Variants in RANBP3 observed in about 807,000 individuals in gnomAD.
RANBP3 encodes RAN binding protein 3, also known as ran-binding protein 3.
Under a neutral mutation model 77.3 loss-of-function variants are expected in RANBP3, and 14 were observed. The ratio of observed to expected loss-of-function variants is 0.18; its 90% CI spans 0.12 to 0.28. The LOEUF (loss-of-function observed/expected upper bound fraction) is 0.28. Among genes scored for constraint, RANBP3 ranks in the 10% least tolerant of loss-of-function variants. RANBP3 has a pLI of 1.00. For missense variants in RANBP3, 586 were observed against 752.3 expected (o/e 0.78, Z 2.59); for synonymous variants, 315 against 312.4 (o/e 1.01, Z -0.09).
intron 3 of RANBP3, among the ~76,000 whole-genome samples, chr19:5,944,890 G>A (rs1419033724): frequency 6.6e-6 from 1 of 152,062 alleles, no homozygotes; most frequent in Non-Finnish European, 1.5e-5. Context: ...ACCCTTACAC[G>A]GTGTCCTCCC....
chr19:5,942,934 A>G (rs1340748403), intron 3 of RANBP3, among the ~76,000 whole-genome samples: 1 of 152,028 alleles, frequency 6.6e-6, no homozygotes, highest in African/African-American at 2.4e-5. Flanking sequence ...AGGCTGAGGC[A>G]GGAGGATCAC....
At chr19:5,923,048 A>T in intron 13 of RANBP3, 146 bp downstream of exon 13, 1 of 648,664 alleles carries the variant, frequency 1.5e-6, no homozygotes, top group Non-Finnish European at 2.7e-6. Context: ...AACGCCACCA[A>T]CAAAGTCCCA....
rs1000997739 is a variant in RANBP3, at chr19:5,959,028, G to A, written c.23-1055C>T. On this transcript the variant is annotated intron_variant, in intron 1 of 16. Transcript: ENST00000340578. This position sits in a 1 kb window ranked among gnomAD's most constrained non-coding sequence, Gnocchi z 5.1. ...AGCATGTGCTGCCCATGATCACGAC[G>A]AAGGCACTCTGCTTGGGCATTGACC... 2.6e-5 allele frequency among the ~76,000 whole-genome samples: 4 copies of A among 152,196 alleles called. No homozygotes were observed. Among genetic ancestry groups the A allele is most frequent in the Admixed American group, 6.5e-5 (1 of 15,284 alleles).
intron 5 of RANBP3, among the ~76,000 whole-genome samples, chr19:5,936,818 C>G (rs142078024): frequency 6.6e-6 from 1 of 152,056 alleles, no homozygotes; most frequent in East Asian, 1.9e-4. Flanking sequence ...TATGTTGACA[C>G]AATCGATCAA....
intron 8 of RANBP3, among the ~76,000 whole-genome samples, chr19:5,930,229 G>A (rs370675696): frequency 3.9e-5 from 6 of 152,376 alleles, no homozygotes; most frequent in East Asian, 1.9e-4. Context: ...GAATGCGGTG[G>A]AAATGATCCC....
chr19:5,973,687 G>A (rs1052688381), intron 1 of RANBP3, among the ~76,000 whole-genome samples: 8 of 152,218 alleles, frequency 5.3e-5, no homozygotes, highest in African/African-American at 1.9e-4. Context: ...CCACACAATG[G>A]AGACTTTGCT....
intron 5 of RANBP3, among the ~76,000 whole-genome samples, chr19:5,937,455 G>A (rs2145118233): frequency 6.6e-6 from 1 of 152,310 alleles, no homozygotes; most frequent in East Asian, 1.9e-4. Context: ...TGAAAGTCAA[G>A]GGAAGCCTGA....
chr19:5,923,527 C>A (rs1207008697), intron 12 of RANBP3, among the ~76,000 whole-genome samples: 7 of 152,162 alleles, frequency 4.6e-5, no homozygotes, highest in African/African-American at 1.7e-4. Context: ...CCCAGACTCT[C>A]GTGTTCGTGC....
chr19:5,957,882 G>GT, intron 2 of RANBP3, 36 bp downstream of exon 2: 1 of 1,608,288 alleles, frequency 6.2e-7, no homozygotes, highest in Non-Finnish European at 8.5e-7. Context: ...ACAAATTAGA[G>GT]TAACGAAGTG....
rs1295558730 is a variant in RANBP3 at position 5,924,108 on chromosome 19, C to A, written c.997-194G>T. ...ATCACTACGGGGTGAGTGCCACCAG[C>A]CGACAGTCCCCTCGAGCCACACTGG... On this transcript the variant is annotated intron_variant, in intron 11 of 16. Coordinates refer to ENST00000340578, the MANE Select transcript of RANBP3 (RefSeq NM_007322.3). This position sits in a 1 kb window ranked among gnomAD's most constrained non-coding sequence, Gnocchi z 4.7. 6.6e-6 allele frequency among the ~76,000 whole-genome samples: 1 copy of A among 152,140 alleles called. No individual in the cohort carries two copies. Among genetic ancestry groups the A allele is most frequent in the African/African-American group, 2.4e-5 (1 of 41,406 alleles).
chr19:5,960,275 G>T (rs544435112), intron 1 of RANBP3, among the ~76,000 whole-genome samples: 1 of 152,288 alleles, frequency 6.6e-6, no homozygotes, highest in East Asian at 1.9e-4. Flanking sequence ...GTTTGAGCTC[G>T]ATTTCTGCCC....
intron 6 of RANBP3, 46 bp downstream of exon 6, chr19:5,933,368 A>G: frequency 6.5e-7 from 1 of 1,541,094 alleles, no homozygotes; most frequent in Non-Finnish European, 8.8e-7. Flanking sequence ...GAGGTCTGAA[A>G]AACGTCAGAG....
intron 8 of RANBP3, 99 bp from the exon 9 acceptor site, chr19:5,928,186 G>A (rs1249717092): frequency 8.6e-6 from 12 of 1,396,374 alleles, no homozygotes; most frequent in Non-Finnish European, 1.2e-5. Context: ...TACTCCACAC[G>A]TCTCCTCTGC....
intron 1 of RANBP3, among the ~76,000 whole-genome samples, chr19:5,973,111 C>T (rs2058549448): frequency 6.6e-6 from 1 of 152,206 alleles, no homozygotes; most frequent in African/African-American, 2.4e-5. Context: ...GGTGAAAGCA[C>T]ACATTCTGCT....
At chr19:5,935,620 G>A in intron 5 of RANBP3, 3 of 442,068 alleles carry the variant, frequency 6.8e-6, no homozygotes, top group South Asian at 4.7e-5. Flanking sequence ...ACGCTGAGGG[G>A]AGCCTGGGGG....
At chr19:5,977,984 C>A (rs1284499393) in intron 1 of RANBP3, 77 bp downstream of exon 1, 8 of 1,584,624 alleles carry the variant, frequency 5.0e-6, no homozygotes, top group Admixed American at 1.7e-5. Flanking sequence ...GGTGCTCCCC[C>A]CAAGGGCTTG....
At chr19:5,972,094 T>C (rs1049899464) in intron 1 of RANBP3, among the ~76,000 whole-genome samples, 4 of 152,260 alleles carry the variant, frequency 2.6e-5, no homozygotes, top group Admixed American at 6.5e-5. Flanking sequence ...CCAAATTAAA[T>C]ATGTCTGCTT....
chr19:5,935,359 G>A (rs1470832876), intron 5 of RANBP3, among the ~76,000 whole-genome samples: 2 of 152,216 alleles, frequency 1.3e-5, no homozygotes, highest in Non-Finnish European at 2.9e-5. Flanking sequence ...AACAAACTCA[G>A]GAGAGCCAGA....
intron 3 of RANBP3, among the ~76,000 whole-genome samples, chr19:5,943,786 G>A (rs2058168948): frequency 6.6e-6 from 1 of 152,178 alleles, no homozygotes; most frequent in Non-Finnish European, 1.5e-5. Context: ...AAAGTGTGTG[G>A]GAAACACAAA....
Sources: allele counts gnomAD v4.1 joint callset (sites outside exome capture counted in the v4.1 genomes callset), GRCh38; gene constraint gnomAD v4.1.1; non-coding constraint Gnocchi (gnomAD v3.1); transcripts MANE v1.5; gene names NCBI Gene and HGNC (gene_info 2026-07-23, HGNC 2026-07-21).